The following ACTR10 variants were observed in gnomAD, a reference collection of about 807,000 sequenced individuals.
ACTR10 encodes the protein actin-related protein 10.
In ACTR10, 43 loss-of-function variants were observed where a neutral mutation model predicts 56.2. The observed-to-expected ratio is 0.77, with a 90% CI of 0.60 to 0.99. The LOEUF (loss-of-function observed/expected upper bound fraction) is 0.99. ACTR10 is among the 50% of genes least tolerant of loss of function. The probability of loss-of-function intolerance (pLI) is 0.00; values close to 1 mark genes in which losing one functional copy is unlikely to be tolerated. For missense variants in ACTR10, 466 were observed against 507.8 expected (o/e 0.92, Z 0.79); for synonymous variants, 170 against 176.3 (o/e 0.96, Z 0.28).
chr14:58,233,223 C>T (rs182387134), intron 12 of ACTR10, among the ~76,000 whole-genome samples: 2 of 152,236 alleles, frequency 1.3e-5, no homozygotes, highest in East Asian at 3.9e-4. Context: ...TAGTGAGCCA[C>T]ATATGAAAAT....
At chr14:58,220,772 A>G (rs1399139686) in intron 8 of ACTR10, among the ~76,000 whole-genome samples, 1 of 152,198 alleles carries the variant, frequency 6.6e-6, no homozygotes, top group African/African-American at 2.4e-5. Context: ...AAGGATTGCA[A>G]ACTAACCTTT....
rs367649709 is a variant in ACTR10 at position 58,223,876 on chromosome 14, C to T, written c.788+20C>T. On this transcript the variant is annotated intron_variant, in intron 10 of 12. Transcript: ENST00000254286. ...AATCAGGTTAGATCTTAAATTTTTA[C>T]GGCAAAGTAGTAAACTAAAATAAAC... The T allele has an allele frequency of 4.2e-5, 66 of 1,571,756 alleles. No homozygotes were observed. Among genetic ancestry groups the T allele is most frequent in the African/African-American group, 6.8e-5 (5 of 73,374 alleles).
intron 12 of ACTR10, 97 bp from the exon 13 acceptor site, chr14:58,234,273 G>A (rs2140067801): frequency 2.9e-6 from 3 of 1,042,730 alleles, no homozygotes; most frequent in East Asian, 5.2e-5. Context: ...AATTTTACCA[G>A]TCCACTTTTG....
At chr14:58,214,600 C>A (rs1889086954) in intron 6 of ACTR10, among the ~76,000 whole-genome samples, 1 of 151,372 alleles carries the variant, frequency 6.6e-6, no homozygotes, top group Non-Finnish European at 1.5e-5. Flanking sequence ...AAGCGATTCT[C>A]CTACCTCAGC....
chr14:58,210,181 T>C (rs1888958655), intron 4 of ACTR10, among the ~76,000 whole-genome samples: 1 of 152,236 alleles, frequency 6.6e-6, no homozygotes, highest in Admixed American at 6.5e-5. Context: ...ACAGCCATTA[T>C]TTTGTCTGCC....
chr14:58,209,631 T>A (rs934278398), intron 4 of ACTR10, among the ~76,000 whole-genome samples: 3 of 152,180 alleles, frequency 2.0e-5, no homozygotes, highest in Admixed American at 6.5e-5. Context: ...GGAATGAGAC[T>A]TACCTCATAA....
At chr14:58,218,926 G>A (rs938360683) in intron 7 of ACTR10, among the ~76,000 whole-genome samples, 4 of 152,072 alleles carry the variant, frequency 2.6e-5, no homozygotes, top group Admixed American at 6.6e-5. Context: ...GAGTTCAAGC[G>A]ATTCTCCTGC....
chr14:58,211,776 T>C (rs1889001674), intron 5 of ACTR10, among the ~76,000 whole-genome samples: 1 of 151,936 alleles, frequency 6.6e-6, no homozygotes, highest in Admixed American at 6.6e-5. Context: ...AATGGCAACA[T>C]GAAATCAGCC....
At chr14:58,221,269 G>A (rs967873695) in intron 8 of ACTR10, among the ~76,000 whole-genome samples, 1 of 135,724 alleles carries the variant, frequency 7.4e-6, no homozygotes, top group African/African-American at 2.7e-5. Flanking sequence ...GCAACAGAGC[G>A]AGACTCTGTC....
rs142449571 is a variant in ACTR10, at chr14:58,226,519, T to C, written c.788+2663T>C. Among the ~76,000 whole-genome samples, 14 of 151,888 alleles carry C rather than the reference T, an allele frequency of 9.2e-5. No individual in the cohort carries two copies. The East Asian group carries it at 2.7e-3, about 29-fold the overall frequency. ...TGCTAATGTGAATAAAGGAAGCCAGTATGTCTTACTTTCCAAACCCAATTA... is the reference window on the plus strand; with the variant it reads ...TGCTAATGTGAATAAAGGAAGCCAGCATGTCTTACTTTCCAAACCCAATTA... On this transcript the variant is annotated intron_variant, in intron 10 of 12. Coordinates refer to ENST00000254286, the MANE Select transcript of ACTR10 (RefSeq NM_018477.3).
chr14:58,223,272 G>T (rs1399205082), intron 8 of ACTR10, among the ~76,000 whole-genome samples: 2 of 152,116 alleles, frequency 1.3e-5, no homozygotes, highest in African/African-American at 2.4e-5. Flanking sequence ...GAGCAGCTGG[G>T]ATTACAGGCA....
chr14:58,218,966 G>C (rs995299461), intron 7 of ACTR10, among the ~76,000 whole-genome samples: 5 of 152,106 alleles, frequency 3.3e-5, no homozygotes, highest in African/African-American at 1.2e-4. Context: ...GGGATTACAG[G>C]CATGCACCAC....
rs147853651 is a variant in ACTR10, at chr14:58,202,194, G to A, written c.78-661G>A. Among the ~76,000 whole-genome samples, 16 of 152,172 alleles carry A rather than the reference G, an allele frequency of 1.1e-4. No homozygotes were observed. The East Asian group carries it at 3.1e-3, about 29-fold the overall frequency. ...ATATTAGAATGATGGAATTATGAGT[G>A]ATACAGATGAATTATATGAATGAAG... On this transcript the variant is annotated intron_variant, in intron 1 of 12. Transcript: ENST00000254286.
Position 58,230,488 on chromosome 14 carries a change from A to G in ACTR10, c.870+8A>G. The G allele has an allele frequency of 1.4e-6, 2 of 1,462,184 alleles. No homozygotes were observed. The highest frequency in any genetic ancestry group is 1.8e-6 in the Non-Finnish European group (2 of 1,096,348). The allele number at this position is 1,462,184 out of a possible 1,614,324, so 90.6% of individuals were successfully genotyped here. A position where few individuals can be genotyped will look rare whatever the true frequency, so the allele number is the denominator to read the frequency against. ...TTGGATTCCCTTATACAGGTATTTT[A>G]TCTTGTCAAAAAATTCCCTTTATTA... On this transcript the variant is annotated splice_region_variant and intron_variant, in intron 11 of 12. Transcript: ENST00000254286.
chr14:58,234,041 G>C (rs939594623), intron 12 of ACTR10, among the ~76,000 whole-genome samples: 7 of 152,088 alleles, frequency 4.6e-5, no homozygotes, highest in Non-Finnish European at 8.8e-5. Context: ...AGAAAACTCA[G>C]AATCTTATTG....
chr14:58,208,300 T>C (rs774992427), intron 3 of ACTR10, among the ~76,000 whole-genome samples: 2 of 152,106 alleles, frequency 1.3e-5, no homozygotes, highest in Admixed American at 6.6e-5. Flanking sequence ...TTAAAAAGAG[T>C]TCTGCATCTG....
chr14:58,201,078 T>C (rs1290877390), intron 1 of ACTR10, among the ~76,000 whole-genome samples: 2 of 152,242 alleles, frequency 1.3e-5, no homozygotes, highest in Non-Finnish European at 2.9e-5. Context: ...TTACATCATA[T>C]ATGTATTTAT....
chr14:58,212,086 A>C (rs1889015164), intron 5 of ACTR10, among the ~76,000 whole-genome samples: 1 of 152,156 alleles, frequency 6.6e-6, no homozygotes, highest in Non-Finnish European at 1.5e-5. Context: ...ATCTCAGCTA[A>C]GCTTTTTACT....
chr14:58,204,540 G>A (rs1453624806), intron 2 of ACTR10, among the ~76,000 whole-genome samples: 3 of 152,156 alleles, frequency 2.0e-5, no homozygotes, highest in Non-Finnish European at 4.4e-5. Context: ...GACAGAGTGA[G>A]ACCCTGTCTC....
Sources: gnomAD v4.1 joint callset for allele counts (sites outside exome capture counted in the v4.1 genomes callset) on GRCh38, gnomAD v4.1.1 for gene constraint, MANE v1.5 for transcripts, NCBI Gene and HGNC (gene_info 2026-07-23, HGNC 2026-07-21) for gene names.